ZNF469: variants seen among roughly 807,000 people sequenced by gnomAD.
ZNF469 encodes the protein zinc finger protein 469.
A neutral mutation model predicts 1.0 loss-of-function variants in ZNF469; 1 was observed. The ratio of observed to expected loss-of-function variants is 1.00; its 90% CI spans 0.35 to 4.73. ZNF469 has a LOEUF of 4.73. Ranked by LOEUF, ZNF469 falls within the 30% of genes most tolerant of loss-of-function variation. The probability of loss-of-function intolerance (pLI) is 0.16; values close to 1 mark genes in which losing one functional copy is unlikely to be tolerated. For synonymous variants in ZNF469, 2,703 were observed against 2,363.4 expected (o/e 1.14, Z -4.17); for missense variants, 6,100 against 5,356.3 (o/e 1.14, Z -4.33).
the ZNF469 span, among the ~76,000 whole-genome samples, chr16:88,285,176 G>T: frequency 1.3e-5 from 2 of 152,238 alleles, no homozygotes; most frequent in Non-Finnish European, 2.9e-5. Context: ...CTGCTATCTG[G>T]GCCAAAGGCC....
At chr16:88,408,281 A>C (rs1439327965) in intron 1 of ZNF469, among the ~76,000 whole-genome samples, 1 of 152,182 alleles carries the variant, frequency 6.6e-6, no homozygotes, top group Non-Finnish European at 1.5e-5. Context: ...GCCTCCCGGT[A>C]ACGGGGACTA....
At position 88,433,053 on chromosome 16, in the gene ZNF469, G is replaced by A. The variant is rs1429338367; in HGVS notation, c.5583G>A (p.Gly1861=). 21 of 1,550,238 alleles carry A rather than the reference G, an allele frequency of 1.4e-5. 1 individual carries two copies. In the East Asian group the frequency reaches 4.9e-4, roughly 36 times the overall value. The stretch of plus-strand genomic sequence containing the variant: ...AGGGTAATGAGTTTGCACCGGCGGG[G>A]GCCTCCTCACTGACTGCCCCCCGGG... ...GFEGNEFAPA[G]ASSLTAPRGR... Residue 1861 remains glycine (G), a synonymous_variant, in exon 3 of 3, where the codon GGG becomes GGA. Coordinates refer to ENST00000565624, the MANE Select transcript of ZNF469 (RefSeq NM_001367624.2).
chr16:88,438,166 A>C lies in ZNF469; in HGVS notation c.10696A>C (p.Arg3566=). ...SPFPAALADG[R]GDCALDGALE... is the part of the protein sequence containing the mutation. ...CTTCCCAGCTGCCTTGGCTGATGGC[A>C]GAGGAGACTGCGCGCTGGACGGAGC... The change falls in exon 3 of 3, where the codon AGA becomes CGA. Residue 3566 remains arginine, a synonymous_variant. Coordinates refer to ENST00000565624, the MANE Select transcript of ZNF469 (RefSeq NM_001367624.2). 6.5e-7 allele frequency: 1 copy of C among 1,550,016 alleles called. No homozygotes were observed. The highest frequency in any genetic ancestry group is 1.4e-5 in the African/African-American group (1 of 73,156).
chr16:88,120,144 C>T, the ZNF469 span, among the ~76,000 whole-genome samples: 4 of 152,202 alleles, frequency 2.6e-5, no homozygotes, highest in African/African-American at 4.8e-5. Flanking sequence ...CGCCCCTGAG[C>T]CATTCTCCAG....
At chr16:88,243,123 G>A in the ZNF469 span, among the ~76,000 whole-genome samples, 2 of 152,182 alleles carry the variant, frequency 1.3e-5, no homozygotes, top group African/African-American at 4.8e-5. Flanking sequence ...GGCTCAGCAA[G>A]TGGCTCACGA....
At chr16:88,233,198 G>A in the ZNF469 span, among the ~76,000 whole-genome samples, 4 of 152,324 alleles carry the variant, frequency 2.6e-5, no homozygotes, top group East Asian at 1.9e-4. Flanking sequence ...TGTGGGCACC[G>A]CGGCAAGCAT....
the ZNF469 span, among the ~76,000 whole-genome samples, chr16:88,337,489 G>A: frequency 3.3e-5 from 5 of 152,258 alleles, no homozygotes; most frequent in East Asian, 1.9e-4. Context: ...GTGTGAGAAC[G>A]GACTAATACA....
the ZNF469 span, among the ~76,000 whole-genome samples, chr16:88,358,107 G>A: frequency 0.01 from 1,593 of 152,316 alleles, 30 homozygotes; most frequent in African/African-American, 0.036. Flanking sequence ...TTCAGTGTGG[G>A]CTGCTTGAGG....
chr16:88,176,441 C>G, the ZNF469 span, among the ~76,000 whole-genome samples: 1 of 151,210 alleles, frequency 6.6e-6, no homozygotes, highest in Admixed American at 6.6e-5. Flanking sequence ...TCAGAGGCGT[C>G]AAAGAAGGAG....
chr16:88,227,062 C>T, the ZNF469 span, among the ~76,000 whole-genome samples: 1 of 147,990 alleles, frequency 6.8e-6, no homozygotes, highest in African/African-American at 2.5e-5. Flanking sequence ...CCGGGGCCTG[C>T]GCGTTTCCAC....
At chr16:88,262,493 C>T in the ZNF469 span, among the ~76,000 whole-genome samples, 4 of 152,206 alleles carry the variant, frequency 2.6e-5, no homozygotes, top group African/African-American at 7.2e-5. The surrounding 1 kb of genome is among the most constrained non-coding windows in gnomAD (Gnocchi z 4.3). Flanking sequence ...CAAATTTCCT[C>T]CACGGCTGGA....
chr16:88,312,097 G>A, the ZNF469 span, among the ~76,000 whole-genome samples: 2 of 152,338 alleles, frequency 1.3e-5, no homozygotes, highest in Admixed American at 6.5e-5. Flanking sequence ...AAAACCAAGT[G>A]AAAGGGGTTT....
the ZNF469 span, among the ~76,000 whole-genome samples, chr16:88,145,406 T>C: frequency 1.3e-5 from 2 of 152,200 alleles, no homozygotes; most frequent in African/African-American, 2.4e-5. Flanking sequence ...AAATCCCAGA[T>C]GCCTTTCTCA....
the ZNF469 span, among the ~76,000 whole-genome samples, chr16:88,286,449 A>G: frequency 0.024 from 3,599 of 152,154 alleles, 131 homozygotes; most frequent in African/African-American, 0.08. Context: ...CCCCATCTGA[A>G]CGCCGGGTAT....
Position 88,431,689 on chromosome 16 carries a change from G to A in ZNF469, c.4219G>A (p.Ala1407Thr), listed in dbSNP as rs888435601. The change falls in exon 3 of 3, where the codon GCC becomes ACC. Residue 1407 changes from alanine to threonine, a missense_variant. Ala to Thr is a moderately conservative substitution (Grantham distance 58, BLOSUM62 0). Coordinates refer to ENST00000565624, the MANE Select transcript of ZNF469 (RefSeq NM_001367624.2). ...ELHPKPSARD[A>T]PPASSSCLCQ... ...GCACCCCAAGCCCTCAGCCAGGGAT[G>A]CCCCGCCGGCCAGCAGCTCCTGCCT... The A allele has an allele frequency of 5.2e-6, 8 of 1,550,314 alleles. No individual in the cohort carries two copies. Among genetic ancestry groups the A allele is most frequent in the African/African-American group, 1.4e-5 (1 of 73,060 alleles).
chr16:88,420,070 C>T (rs770063045), intron 1 of ZNF469, among the ~76,000 whole-genome samples: 3 of 152,338 alleles, frequency 2.0e-5, no homozygotes, highest in Non-Finnish European at 4.4e-5. Flanking sequence ...CGGGGCCACA[C>T]GCAGGTTCCA....
chr16:88,388,529 T>G (rs1904401420), intron 1 of ZNF469, among the ~76,000 whole-genome samples: 1 of 152,242 alleles, frequency 6.6e-6, no homozygotes, highest in Non-Finnish European at 1.5e-5. Context: ...TCTCCAGGCC[T>G]GGATGTGGCC....
At chr16:88,345,566 C>A in the ZNF469 span, among the ~76,000 whole-genome samples, 1 of 151,972 alleles carries the variant, frequency 6.6e-6, no homozygotes, top group African/African-American at 2.4e-5. Context: ...AGACGAGAGG[C>A]CTCTGCAGGC....
chr16:88,209,331 C>G, the ZNF469 span, among the ~76,000 whole-genome samples: 1 of 151,376 alleles, frequency 6.6e-6, no homozygotes, highest in African/African-American at 2.4e-5. Context: ...TGCTCTGTTG[C>G]CCAGGCTGGA....
Sources: gnomAD v4.1 joint callset for allele counts (sites outside exome capture counted in the v4.1 genomes callset) on GRCh38, gnomAD v4.1.1 for gene constraint, Gnocchi (gnomAD v3.1) non-coding constraint, MANE v1.5 for transcripts, NCBI Gene and HGNC (gene_info 2026-07-23, HGNC 2026-07-21) for gene names.